The following CYRIA variants were observed in gnomAD, a reference collection of about 807,000 sequenced individuals.
CYRIA encodes CYFIP-related Rac1 interactor A.
A neutral mutation model predicts 43.9 loss-of-function variants in CYRIA; 15 were observed. The observed-to-expected ratio is 0.34, with a 90% confidence interval of 0.23 to 0.53. CYRIA has a LOEUF of 0.53. Ranked by LOEUF, CYRIA falls within the 20% of genes least tolerant of loss-of-function variation. CYRIA has a pLI of 0.94. For missense variants in CYRIA, 236 were observed against 394.2 expected, an observed-to-expected ratio of 0.60 and a Z score of 3.40; for synonymous variants, 117 against 136.0, an observed-to-expected ratio of 0.86 and a Z score of 0.97.
chr2:16,623,793 A>G (rs1327410701), intron 2 of CYRIA, 71 bp downstream of exon 2: 1 of 152,246 alleles, frequency 6.6e-6, no homozygotes, highest in Non-Finnish European at 1.5e-5. Flanking sequence ...CATGCATACG[A>G]CATACTTCCT....
At chr2:16,573,715 A>ACT (rs1328306187) in intron 3 of CYRIA, among the ~76,000 whole-genome samples, 1 of 151,650 alleles carries the variant, frequency 6.6e-6, no homozygotes, top group South Asian at 2.1e-4. Context: ...CCCCTGCACA[A>ACT]CTCTCTCTCT....
chr2:16,603,237 G>A (rs1668270198), intron 2 of CYRIA, among the ~76,000 whole-genome samples: 1 of 152,134 alleles, frequency 6.6e-6, no homozygotes, highest in African/African-American at 2.4e-5. Flanking sequence ...CTGCCTCAGG[G>A]CCCTTGCACA....
intron 10 of CYRIA, among the ~76,000 whole-genome samples, chr2:16,556,388 T>G (rs1666525211): frequency 6.6e-6 from 1 of 152,104 alleles, no homozygotes; most frequent in African/African-American, 2.4e-5. Context: ...GGCCCAGGGA[T>G]GCAGAGATTC....
intron 1 of CYRIA, among the ~76,000 whole-genome samples, chr2:16,664,480 C>A (rs1340361380): frequency 1.3e-5 from 2 of 152,144 alleles, no homozygotes; most frequent in African/African-American, 4.8e-5. Context: ...CAGAAGCACG[C>A]AGGAAAAACA....
chr2:16,561,017 C>G lies in CYRIA; in HGVS notation c.683G>C (p.Ser228Thr), dbSNP rs569533611. ...NTTDCLSTMT[S>T]VCKVMLETPE... ...AGTTTCCAGCATGACTTTACAGACA[C>G]TTGTCATTGTGCTGAGGCAGTCTGT... is the stretch of plus-strand genomic sequence containing the variant. Residue 228 changes from serine to threonine, a missense_variant, in exon 9 of 12, where the codon AGT becomes ACT. Ser to Thr is a moderately conservative substitution (Grantham distance 58, BLOSUM62 1). Transcript: ENST00000381323. The G allele has an allele frequency of 6.2e-7, 1 of 1,613,768 alleles. No individual in the cohort carries two copies. Among genetic ancestry groups the G allele is most frequent in the East Asian group, 2.2e-5 (1 of 44,868 alleles).
At chr2:16,627,655 A>G (rs1169708566) in intron 1 of CYRIA, among the ~76,000 whole-genome samples, 1 of 152,236 alleles carries the variant, frequency 6.6e-6, no homozygotes, top group African/African-American at 2.4e-5. Flanking sequence ...AAAGCCAAAT[A>G]GTGGAAAGAA....
At chr2:16,664,952 A>G (rs905685593) in intron 1 of CYRIA, among the ~76,000 whole-genome samples, 5 of 152,224 alleles carry the variant, frequency 3.3e-5, no homozygotes, top group African/African-American at 1.2e-4. Context: ...GGCTGGGGGA[A>G]TTCTGGGGAT....
intron 1 of CYRIA, among the ~76,000 whole-genome samples, chr2:16,647,076 T>A (rs1669842549): frequency 6.6e-6 from 1 of 152,222 alleles, no homozygotes; most frequent in African/African-American, 2.4e-5. Context: ...TGTAGCCATA[T>A]CCGTATCCGT....
chr2:16,652,449 A>G (rs763008356), intron 1 of CYRIA, among the ~76,000 whole-genome samples: 5 of 152,124 alleles, frequency 3.3e-5, no homozygotes, highest in Non-Finnish European at 7.3e-5. Flanking sequence ...CTTGCCGTAT[A>G]CCCTATTATA....
chr2:16,647,246 C>T (rs10164579), intron 1 of CYRIA, among the ~76,000 whole-genome samples: 13,186 of 152,082 alleles, frequency 0.087, 1,361 homozygotes, highest in African/African-American at 0.24. Context: ...TGCAAATTAG[C>T]GAGTTGAAAT....
intron 2 of CYRIA, among the ~76,000 whole-genome samples, chr2:16,590,423 C>A (rs7568427): frequency 1.9e-3 from 282 of 152,228 alleles, no homozygotes; most frequent in African/African-American, 6.7e-3. Context: ...ATACAAAGTG[C>A]TTTGATGGAA....
At chr2:16,587,852 G>A (rs902510022) in intron 3 of CYRIA, among the ~76,000 whole-genome samples, 198 bp downstream of exon 3, 2 of 152,084 alleles carry the variant, frequency 1.3e-5, no homozygotes, top group African/African-American at 4.8e-5. Flanking sequence ...TGAGCCATGT[G>A]GAACCGTGAG....
At chr2:16,572,343 T>TG (rs1193490341) in intron 3 of CYRIA, among the ~76,000 whole-genome samples, 2 of 151,874 alleles carry the variant, frequency 1.3e-5, no homozygotes, top group Non-Finnish European at 2.9e-5. Context: ...TTTTTTTTTT[T>TG]GTCACGGAAT....
At chr2:16,554,183 C>A (rs1666420253) in intron 11 of CYRIA, among the ~76,000 whole-genome samples, 1 of 152,112 alleles carries the variant, frequency 6.6e-6, no homozygotes, top group South Asian at 2.1e-4. Context: ...ATAGGTAGAG[C>A]ATTATTGATC....
chr2:16,575,323 T>A (rs960212005), intron 3 of CYRIA, among the ~76,000 whole-genome samples: 5 of 152,134 alleles, frequency 3.3e-5, no homozygotes, highest in Non-Finnish European at 7.3e-5. Context: ...TGAAATGAGT[T>A]AAGACTTTGG....
intron 2 of CYRIA, among the ~76,000 whole-genome samples, chr2:16,600,846 T>C (rs1668180708): frequency 6.6e-6 from 1 of 152,080 alleles, no homozygotes; most frequent in African/African-American, 2.4e-5. Context: ...ATTGGGGGGA[T>C]AAAAAGGAGG....
Position 16,562,035 on chromosome 2 carries a change from T to C in CYRIA, c.405A>G (p.Leu135=). 6.2e-7 allele frequency: 1 copy of C among 1,613,480 alleles called. No homozygotes were observed. The highest frequency in any genetic ancestry group is 8.5e-7 in the Non-Finnish European group (1 of 1,179,630). ...GCTCATCGAATCGAAGGGTAAAATG[T>C]AAAATTTCGGCAAACTCCTTTGCCA... ...QALAKEFAEI[L]HFTLRFDELK... The change falls in exon 6 of 12, where the codon TTA becomes TTG. Residue 135 remains leucine, a synonymous_variant. Transcript: ENST00000381323.
chr2:16,653,043 C>T (rs1365918055), intron 1 of CYRIA, among the ~76,000 whole-genome samples: 1 of 152,214 alleles, frequency 6.6e-6, no homozygotes, highest in Non-Finnish European at 1.5e-5. Context: ...GCTGGGCTCT[C>T]TTTCTATCCC....
chr2:16,628,822 A>G (rs1248816929), intron 1 of CYRIA, among the ~76,000 whole-genome samples: 1 of 150,782 alleles, frequency 6.6e-6, no homozygotes, highest in African/African-American at 2.4e-5. Context: ...CAAATAATCC[A>G]CTCTCCCTGT....
Sources: allele counts gnomAD v4.1 joint callset (sites outside exome capture counted in the v4.1 genomes callset), GRCh38; gene constraint gnomAD v4.1.1; transcripts MANE v1.5; gene names NCBI Gene and HGNC (gene_info 2026-07-23, HGNC 2026-07-21).